The following AP1G1 variants were observed in gnomAD, a reference collection of about 807,000 sequenced individuals.
AP1G1 encodes the protein adaptor related protein complex 1 subunit gamma 1, also known as AP-1 complex subunit gamma-1.
AP1G1 carries 7 observed loss-of-function variants against 108.3 expected under a neutral mutation model. The ratio of observed to expected loss-of-function variants is 0.06; its 90% CI spans 0.04 to 0.12. The LOEUF (loss-of-function observed/expected upper bound fraction) is 0.12. Among genes scored for constraint, AP1G1 ranks in the 10% least tolerant of loss-of-function variants. AP1G1 has a pLI of 1.00. For synonymous variants in AP1G1, 379 were observed against 353.5 expected, an observed-to-expected ratio of 1.07 and a Z score of -0.81; for missense variants, 756 against 1,010.7, an observed-to-expected ratio of 0.75 and a Z score of 3.42.
intron 1 of AP1G1, among the ~76,000 whole-genome samples, chr16:71,793,180 A>C (rs1460948259): frequency 1.3e-5 from 2 of 152,196 alleles, no homozygotes; most frequent in Non-Finnish European, 2.9e-5. Flanking sequence ...AAACAGAAAA[A>C]GCAAACAAAC....
chr16:71,783,623 A>T (rs977409048), intron 2 of AP1G1, among the ~76,000 whole-genome samples: 4 of 152,214 alleles, frequency 2.6e-5, no homozygotes, highest in African/African-American at 9.7e-5. Context: ...GTGCAGTCCT[A>T]TGCTACACAG....
Position 71,750,224 on chromosome 16 carries a change from C to G in AP1G1, c.1393G>C (p.Gly465Arg), listed in dbSNP as rs2030413517. The part of the protein sequence containing the change: ...TVQRLYKAIL[G>R]DYSQQPLVQV... ...GAAGTACTTACTTGAGAATAATCACCAAGAATTGCTTTGTACAGGCGCTGG... is the reference window on the plus strand; with the variant it reads ...GAAGTACTTACTTGAGAATAATCACGAAGAATTGCTTTGTACAGGCGCTGG... The change falls in exon 14 of 23, where the codon GGT (glycine) becomes CGT (arginine). Residue 465 changes from glycine to arginine, a missense_variant. Gly to Arg is a moderately radical substitution (Grantham distance 125). Coordinates refer to ENST00000299980, the MANE Select transcript of AP1G1 (RefSeq NM_001128.6). 1 of 1,613,580 alleles carries G rather than the reference C, an allele frequency of 6.2e-7. No homozygotes were observed. Among genetic ancestry groups the G allele is most frequent in the African/African-American group, 1.3e-5 (1 of 74,860 alleles).
chr16:71,800,008 C>G (rs1315170834), intron 1 of AP1G1, among the ~76,000 whole-genome samples: 1 of 151,224 alleles, frequency 6.6e-6, no homozygotes, highest in Non-Finnish European at 1.5e-5. Flanking sequence ...ATTGCTCAAG[C>G]CCAGGAGTTC....
At chr16:71,750,134 GA>G (rs1019373406) in intron 14 of AP1G1, 75 bp downstream of exon 14, 90 of 1,536,716 alleles carry the variant, frequency 5.9e-5, no homozygotes, top group Admixed American at 3.4e-4. Flanking sequence ...GAGGAGGGGG[GA>G]AAAAAAAGAA....
At chr16:71,760,422 G>A (rs928368482) in intron 10 of AP1G1, among the ~76,000 whole-genome samples, 44 of 151,784 alleles carry the variant, frequency 2.9e-4, no homozygotes, top group African/African-American at 9.7e-4. Flanking sequence ...GCGTTCGCCT[G>A]TAAACCCAGC....
chr16:71,797,113 C>A (rs1226385315), intron 1 of AP1G1, among the ~76,000 whole-genome samples: 2 of 151,558 alleles, frequency 1.3e-5, no homozygotes, highest in Non-Finnish European at 2.9e-5. Context: ...AACATCTAAT[C>A]TGACACTAAT....
intron 15 of AP1G1, among the ~76,000 whole-genome samples, 163 bp from the exon 16 acceptor site, chr16:71,748,541 A>G (rs2270830): frequency 0.35 from 52,694 of 151,992 alleles, 9,913 homozygotes; most frequent in East Asian, 0.76. Context: ...AAGCTGTTCT[A>G]TCAACCAGAG....
chr16:71,752,717 A>G (rs2030568098), intron 13 of AP1G1, among the ~76,000 whole-genome samples: 1 of 152,232 alleles, frequency 6.6e-6, no homozygotes, highest in African/African-American at 2.4e-5. Flanking sequence ...ACCAAACTGC[A>G]TAGTAAAAAG....
intron 12 of AP1G1, 192 bp downstream of exon 12, chr16:71,755,827 G>T: frequency 1.8e-6 from 1 of 559,560 alleles, no homozygotes; most frequent in Admixed American, 3.0e-5. Flanking sequence ...TGTATTTTTA[G>T]TGGCGACAGG....
intron 2 of AP1G1, among the ~76,000 whole-genome samples, chr16:71,788,551 C>T (rs563702343): frequency 6.6e-6 from 1 of 152,188 alleles, no homozygotes; most frequent in African/African-American, 2.4e-5. Context: ...ACAAAATAGA[C>T]GCCACCAATT....
chr16:71,752,110 T>C (rs139047685), intron 13 of AP1G1, among the ~76,000 whole-genome samples: 32 of 152,278 alleles, frequency 2.1e-4, no homozygotes, highest in African/African-American at 7.2e-4. Flanking sequence ...TAACCCAGCA[T>C]GTAACAGGCT....
chr16:71,798,069 C>T (rs1015729814), intron 1 of AP1G1, among the ~76,000 whole-genome samples: 1 of 152,082 alleles, frequency 6.6e-6, no homozygotes, highest in Non-Finnish European at 1.5e-5. Context: ...AAAAAAACTA[C>T]GAAATCTATA....
intron 1 of AP1G1, among the ~76,000 whole-genome samples, chr16:71,804,082 C>T (rs1378158830): frequency 6.6e-6 from 1 of 151,676 alleles, no homozygotes; most frequent in Non-Finnish European, 1.5e-5. Flanking sequence ...GAGTCTCGCT[C>T]TGTCCCCAGG....
At chr16:71,798,615 C>T (rs933621508) in intron 1 of AP1G1, among the ~76,000 whole-genome samples, 2 of 151,726 alleles carry the variant, frequency 1.3e-5, no homozygotes, top group Admixed American at 6.6e-5. Context: ...GGGCGTGGTG[C>T]GGTGGCTCAC....
At chr16:71,757,804 G>C (rs1370095923) in intron 11 of AP1G1, among the ~76,000 whole-genome samples, 1 of 152,154 alleles carries the variant, frequency 6.6e-6, no homozygotes, top group African/African-American at 2.4e-5. Flanking sequence ...ATGAGCTAGA[G>C]AGAAACAACA....
chr16:71,796,120 T>A (rs1356606842), intron 1 of AP1G1, among the ~76,000 whole-genome samples: 1 of 152,098 alleles, frequency 6.6e-6, no homozygotes, highest in Non-Finnish European at 1.5e-5. Flanking sequence ...GCGTCTGTAG[T>A]CCTAGCTATT....
Position 71,805,681 on chromosome 16 carries a change from T to C in AP1G1, c.-4+3082A>G, listed in dbSNP as rs896547936. Among the ~76,000 whole-genome samples the C allele has an allele frequency of 1.2e-4, 18 of 152,176 alleles. 1 individual carries two copies. In the South Asian group the frequency reaches 3.7e-3, roughly 32 times the overall value. On this transcript the variant is annotated intron_variant, in intron 1 of 22. Transcript: ENST00000299980. ...TTTGGTATGTAGATTGCCAATTCAA[T>C]TTTTTTAATTAAAAATAATATCTTG...
intron 2 of AP1G1, among the ~76,000 whole-genome samples, chr16:71,786,619 C>G (rs1452036111): frequency 1.3e-5 from 2 of 152,096 alleles, no homozygotes; most frequent in African/African-American, 4.8e-5. Flanking sequence ...CACCACCATG[C>G]CCAGCTAATT....
chr16:71,760,003 C>T (rs1037772500), intron 10 of AP1G1, among the ~76,000 whole-genome samples: 1 of 151,874 alleles, frequency 6.6e-6, no homozygotes, highest in African/African-American at 2.4e-5. Context: ...AAGTATTTAA[C>T]TTAGTATGTT....
Sources: allele counts gnomAD v4.1 joint callset (sites outside exome capture counted in the v4.1 genomes callset), GRCh38; gene constraint gnomAD v4.1.1; transcripts MANE v1.5; gene names NCBI Gene and HGNC (gene_info 2026-07-23, HGNC 2026-07-21).